The following JMJD1C variants were observed in gnomAD, a reference collection of about 807,000 sequenced individuals.
JMJD1C encodes jumonji domain containing 1C, also known as jumonji domain-containing protein 1C.
Under a neutral mutation model 245.3 loss-of-function variants are expected in JMJD1C, and 31 were observed. The ratio of observed to expected loss-of-function variants is 0.13; its 90% CI spans 0.09 to 0.17. The LOEUF (loss-of-function observed/expected upper bound fraction) is 0.17, where lower values mean the gene tolerates loss of function less well. Among genes scored for constraint, JMJD1C ranks in the 10% least tolerant of loss-of-function variants. JMJD1C has a pLI of 1.00. For synonymous variants in JMJD1C, 1,057 were observed against 1,017.4 expected (o/e 1.04, Z -0.74); for missense variants, 2,691 against 3,000.2 (o/e 0.90, Z 2.41).
At chr10:63,265,504 A>G (rs1425944427) in intron 2 of JMJD1C, among the ~76,000 whole-genome samples, 1 of 152,186 alleles carries the variant, frequency 6.6e-6, no homozygotes, top group Non-Finnish European at 1.5e-5. Context: ...ACAGGGACAG[A>G]GCCAGGGTAG....
At chr10:63,378,183 T>C (rs996359833) in intron 2 of JMJD1C, among the ~76,000 whole-genome samples, 4 of 152,040 alleles carry the variant, frequency 2.6e-5, no homozygotes, top group Non-Finnish European at 4.4e-5. Context: ...GAAACAACTT[T>C]GTAAAATTAT....
intron 10 of JMJD1C, chr10:63,204,654 A>G: frequency 1.0e-6 from 1 of 985,388 alleles, no homozygotes; most frequent in East Asian, 1.1e-4. Context: ...AAAAAGCAAC[A>G]CTGTATATAA....
intron 1 of JMJD1C, among the ~76,000 whole-genome samples, chr10:63,403,791 C>T (rs1472728053): frequency 1.3e-5 from 2 of 152,122 alleles, no homozygotes; most frequent in Non-Finnish European, 2.9e-5. Flanking sequence ...TACAAAAAGG[C>T]CGGGCGTGGT....
chr10:63,319,397 TTTTC>T (rs1307598576), intron 2 of JMJD1C, among the ~76,000 whole-genome samples: 4 of 151,930 alleles, frequency 2.6e-5, no homozygotes, highest in African/African-American at 4.8e-5. Context: ...GTCTTTAGCA[TTTTC>T]TTTATCTCTG....
chr10:63,209,034 T>C (rs1564612070), intron 9 of JMJD1C, 29 bp downstream of exon 9: 3 of 1,547,328 alleles, frequency 1.9e-6, no homozygotes, highest in East Asian at 4.5e-5. Flanking sequence ...AACAAGGTAT[T>C]TATAATTTTT....
intron 13 of JMJD1C, among the ~76,000 whole-genome samples, chr10:63,195,125 C>A (rs1363143920): frequency 1.3e-5 from 2 of 151,986 alleles, no homozygotes; most frequent in African/African-American, 4.8e-5. Context: ...GAGGCCAAGG[C>A]AGCGGATCAC....
At chr10:63,370,375 C>T (rs1402603573) in intron 2 of JMJD1C, among the ~76,000 whole-genome samples, 3 of 152,206 alleles carry the variant, frequency 2.0e-5, no homozygotes, top group Non-Finnish European at 2.9e-5. Flanking sequence ...CAGTGCTATA[C>T]TGAAGTTTTA....
At chr10:63,369,214 G>A (rs1946099654) in intron 2 of JMJD1C, among the ~76,000 whole-genome samples, 1 of 150,642 alleles carries the variant, frequency 6.6e-6, no homozygotes, top group Non-Finnish European at 1.5e-5. Flanking sequence ...TGCAATCTCG[G>A]CTCACTGCAA....
chr10:63,365,331 T>G (rs754183208), intron 2 of JMJD1C, among the ~76,000 whole-genome samples: 1 of 152,202 alleles, frequency 6.6e-6, no homozygotes, highest in African/African-American at 2.4e-5. Flanking sequence ...AAATTTTAGT[T>G]TATTCTCATT....
chr10:63,376,576 C>CA (rs1446482434), intron 2 of JMJD1C, among the ~76,000 whole-genome samples: 11 of 150,828 alleles, frequency 7.3e-5, no homozygotes, highest in Non-Finnish European at 1.2e-4. Flanking sequence ...AACTTAACAC[C>CA]AAAAAAAACA....
chr10:63,426,515 A>G (rs1950448896), intron 1 of JMJD1C, among the ~76,000 whole-genome samples: 1 of 152,182 alleles, frequency 6.6e-6, no homozygotes, highest in Admixed American at 6.5e-5. Context: ...TACTGAAAAT[A>G]CAAAAATTAG....
At chr10:63,185,884 GT>G (rs1296400821) in intron 19 of JMJD1C, among the ~76,000 whole-genome samples, 8 of 152,116 alleles carry the variant, frequency 5.3e-5, no homozygotes, top group Admixed American at 5.2e-4. Flanking sequence ...CTCAAAAGTT[GT>G]TTTTAAAAAT....
intron 3 of JMJD1C, among the ~76,000 whole-genome samples, chr10:63,225,979 TC>T (rs1225647934): frequency 1.4e-5 from 1 of 71,080 alleles, no homozygotes; most frequent in Non-Finnish European, 3.4e-5. Flanking sequence ...CAGGTTCTTC[TC>T]CCCCACCCCC....
chr10:63,311,675 G>A (rs549529967), intron 2 of JMJD1C, among the ~76,000 whole-genome samples: 11 of 152,200 alleles, frequency 7.2e-5, no homozygotes, highest in South Asian at 4.1e-4. Flanking sequence ...GTTCAGAAAC[G>A]TGAAACACAT....
chr10:63,292,902 G>C (rs1202132354), intron 2 of JMJD1C, among the ~76,000 whole-genome samples: 1 of 152,060 alleles, frequency 6.6e-6, no homozygotes, highest in Non-Finnish European at 1.5e-5. Context: ...AACTTAGCTG[G>C]GCGTGGTGGT....
In JMJD1C at chr10:63,206,773, A is replaced by G. The variant is rs1184607189; in HGVS notation, c.4896T>C (p.Asp1632=). 1 of 1,610,020 alleles carries G rather than the reference A, an allele frequency of 6.2e-7. No individual in the cohort carries two copies. Among genetic ancestry groups the G allele is most frequent in the Non-Finnish European group, 8.5e-7 (1 of 1,179,126 alleles). The part of the protein sequence containing the change: ...YESGSESGDS[D]ESESKSEQRT... ...TTTGCTCTGACTTGCTTTCACTTTC[A>G]TCTGAGTCTCCACTTTCAGAGCCAG... Residue 1632 remains aspartate (D), a synonymous_variant, in exon 10 of 26, where the codon GAT becomes GAC. Coordinates refer to ENST00000399262, the MANE Select transcript of JMJD1C (RefSeq NM_032776.3).
intron 2 of JMJD1C, chr10:63,268,581 A>G (rs929809868): frequency 1.6e-5 from 6 of 375,216 alleles, no homozygotes; most frequent in Middle Eastern, 1.3e-3. Context: ...AAAGGCAGTG[A>G]CCTTAATTTC....
At chr10:63,388,641 G>A (rs559873517) in intron 1 of JMJD1C, among the ~76,000 whole-genome samples, 8 of 152,160 alleles carry the variant, frequency 5.3e-5, no homozygotes, top group East Asian at 3.9e-4. Flanking sequence ...CAAGAAGAGA[G>A]AAAGGAACAA....
chr10:63,466,540 G>A (rs1243599893), upstream of JMJD1C: 1 of 152,186 alleles, frequency 6.6e-6, no homozygotes, highest in African/African-American at 2.4e-5. Flanking sequence ...CTAATTACAT[G>A]TTTAAGCTAT....
Sources: allele counts gnomAD v4.1 joint callset (sites outside exome capture counted in the v4.1 genomes callset), GRCh38; gene constraint gnomAD v4.1.1; transcripts MANE v1.5; gene names NCBI Gene and HGNC (gene_info 2026-07-23, HGNC 2026-07-21).